Variants in LTN1 observed in about 807,000 individuals in gnomAD.
The protein encoded by LTN1 is E3 ubiquitin-protein ligase listerin.
In LTN1, 88 loss-of-function variants were observed where a neutral mutation model predicts 201.2. The observed-to-expected ratio is 0.44, with a 90% CI of 0.37 to 0.52. The LOEUF (loss-of-function observed/expected upper bound fraction) is 0.52, where lower values mean the gene tolerates loss of function less well. Ranked by LOEUF, LTN1 falls within the 20% of genes least tolerant of loss-of-function variation. The pLI is 0.00. For missense variants in LTN1, 1,752 were observed against 2,038.7 expected (o/e 0.86, Z 2.71); for synonymous variants, 645 against 713.5 (o/e 0.90, Z 1.53).
chr21:28,951,997 G>A (rs978614371), intron 18 of LTN1, among the ~76,000 whole-genome samples, 163 bp downstream of exon 18: 1 of 151,988 alleles, frequency 6.6e-6, no homozygotes, highest in Non-Finnish European at 1.5e-5. Context: ...AAATTCAAAG[G>A]TATGTCCCTA....
intron 23 of LTN1, 60 bp from the exon 24 acceptor site, chr21:28,943,396 C>A: frequency 9.4e-7 from 1 of 1,058,796 alleles, no homozygotes; most frequent in Non-Finnish European, 1.4e-6. Flanking sequence ...AAGTCGTGCT[C>A]AAGAGCAGAA....
rs750398826 is a variant in LTN1 at position 28,946,237 on chromosome 21, T to C, written c.3538A>G (p.Ile1180Val). Reference protein sequence around the residue: ...IFNSCLQTKSIDDGELLHGIL... With the variant: ...IFNSCLQTKSVDDGELLHGIL... ...CCATGTAATAGCTCTCCATCATCTA[T>C]ACTTTTGGTTTGCAGACAAGAATTG... Residue 1180 changes from isoleucine to valine, a missense_variant, in exon 20 of 30, where the codon ATA becomes GTA. Coordinates refer to ENST00000361371, the MANE Select transcript of LTN1 (RefSeq NM_015565.3). 17 of 1,588,324 alleles carry C rather than the reference T, an allele frequency of 1.1e-5. No homozygotes were observed. Among genetic ancestry groups the C allele is most frequent in the South Asian group, 7.0e-5 (6 of 85,202 alleles).
intron 6 of LTN1, among the ~76,000 whole-genome samples, chr21:28,974,365 T>C (rs2084598458): frequency 2.0e-5 from 3 of 152,066 alleles, no homozygotes; most frequent in Non-Finnish European, 2.9e-5. Context: ...CCAAAAAATA[T>C]GGATGAGTGA....
At chr21:28,964,758 G>A in intron 11 of LTN1, 2 of 1,549,412 alleles carry the variant, frequency 1.3e-6, no homozygotes, top group South Asian at 1.2e-5. Context: ...CTTCACGGCA[G>A]GTACATTCCT....
chr21:28,944,739 A>G, intron 21 of LTN1, 143 bp from the exon 22 acceptor site: 2 of 608,974 alleles, frequency 3.3e-6, no homozygotes, highest in South Asian at 4.5e-5. Flanking sequence ...CAGGAGAAAC[A>G]TAAAATTTTA....
At position 28,946,340 on chromosome 21, in the gene LTN1, C is replaced by T; in HGVS notation, c.3488-53G>A. ...AAAATATTTAAGAACTATATCGCTA[C>T]TATTAAAAAAAAGTCCACTTTGAGA... On this transcript the variant is annotated intron_variant, in intron 19 of 29. Transcript: ENST00000361371. 1.0e-5 allele frequency: 13 copies of T among 1,245,900 alleles called. 1 individual carries two copies. In the South Asian group the frequency reaches 2.1e-4, roughly 20 times the overall value. The allele number at this position is 1,245,900 out of a possible 1,614,324, so 77.2% of individuals were successfully genotyped here.
intron 25 of LTN1, among the ~76,000 whole-genome samples, chr21:28,940,252 T>C (rs1210726812): frequency 6.6e-6 from 1 of 152,190 alleles, no homozygotes; most frequent in Non-Finnish European, 1.5e-5. Flanking sequence ...TGATCTCAGC[T>C]CACTGCAACC....
intron 11 of LTN1, among the ~76,000 whole-genome samples, chr21:28,962,502 T>A (rs1269772414): frequency 6.6e-6 from 1 of 152,220 alleles, no homozygotes; most frequent in African/African-American, 2.4e-5. Context: ...CATTGCCATA[T>A]AAGAGGGCAA....
intron 16 of LTN1, among the ~76,000 whole-genome samples, chr21:28,955,922 C>CA (rs772350234): frequency 0.054 from 3,689 of 68,952 alleles, 129 homozygotes; most frequent in Middle Eastern, 0.073. Flanking sequence ...GACTCTGTCT[C>CA]AAAAAAAAAA....
intron 25 of LTN1, among the ~76,000 whole-genome samples, chr21:28,937,130 A>C (rs140957175): frequency 2.0e-5 from 3 of 152,226 alleles, no homozygotes; most frequent in Middle Eastern, 6.3e-3. Flanking sequence ...TTGTTTTTTC[A>C]ATCAGGAAAT....
chr21:28,961,111 G>A (rs1238889431), intron 11 of LTN1, among the ~76,000 whole-genome samples: 1 of 152,018 alleles, frequency 6.6e-6, no homozygotes, highest in African/African-American at 2.4e-5. Context: ...TTTCATCTGT[G>A]TATATCTTGT....
rs1460002334 is a variant in LTN1, at chr21:28,959,649, T to C, written c.2402A>G (p.His801Arg). Reference sequence around the variant, plus strand: ...TTTCTTTGTTTTGAATAAAGTTTCATGAAGTCTAACAATGATTCTTTCAAC... The same window carrying C: ...TTTCTTTGTTTTGAATAAAGTTTCACGAAGTCTAACAATGATTCTTTCAAC... ...VYVERIIVRL[H>R]ETLFKTKKLS... is the part of the protein sequence containing the mutation. Residue 801 changes from histidine (H) to arginine (R), a missense_variant, in exon 13 of 30, where the codon CAT becomes CGT. His to Arg is a conservative substitution (Grantham distance 29, BLOSUM62 0). This residue lies in a region of LTN1 where 1,211 missense variants were observed against 1,312.8 expected (regional missense o/e 0.92). Coordinates refer to ENST00000361371, the MANE Select transcript of LTN1 (RefSeq NM_015565.3). The C allele has an allele frequency of 8.7e-6, 14 of 1,613,678 alleles. No homozygotes were observed. The highest frequency in any genetic ancestry group is 1.2e-5 in the Non-Finnish European group (14 of 1,179,788).
intron 16 of LTN1, among the ~76,000 whole-genome samples, chr21:28,954,612 A>G (rs916056162): frequency 6.6e-6 from 1 of 152,216 alleles, no homozygotes; most frequent in Non-Finnish European, 1.5e-5. Context: ...GAACTAGAGA[A>G]CCCAGAAATA....
At chr21:28,940,662 A>G (rs1164353577) in intron 25 of LTN1, among the ~76,000 whole-genome samples, 1 of 152,228 alleles carries the variant, frequency 6.6e-6, no homozygotes, top group Admixed American at 6.5e-5. Flanking sequence ...TTCCTGAAAT[A>G]AAAGAACCTG....
intron 11 of LTN1, among the ~76,000 whole-genome samples, chr21:28,964,152 G>T (rs564073201): frequency 6.6e-6 from 1 of 152,272 alleles, no homozygotes; most frequent in East Asian, 1.9e-4. Context: ...TGAAAGGATT[G>T]ACTCCAATTT....
chr21:28,986,867 C>A lies in LTN1; in HGVS notation c.110G>T (p.Gly37Val). The stretch of plus-strand genomic sequence containing the variant: ...TAGGTCACTCTGAGATGTTCCAAAA[C>A]CAATAAATCCAGGCACTGTTCCCTG... ...KEQGTVPGFI[G>V]FGTSQSDLGY... Residue 37 changes from glycine (G) to valine (V), a missense_variant, in exon 2 of 30, where the codon GGT (glycine) becomes GTT (valine). Transcript: ENST00000361371. The surrounding 1 kb of genome is among the most constrained non-coding windows in gnomAD (Gnocchi z 4.1). The A allele has an allele frequency of 2.5e-6, 4 of 1,614,088 alleles. No individual in the cohort carries two copies. The highest frequency in any genetic ancestry group is 3.4e-6 in the Non-Finnish European group (4 of 1,180,004).
intron 4 of LTN1, among the ~76,000 whole-genome samples, chr21:28,983,536 G>A (rs1049884439): frequency 3.9e-5 from 6 of 152,308 alleles, no homozygotes; most frequent in South Asian, 2.1e-4. Flanking sequence ...ACCTAAATGA[G>A]GTACTACAAT....
intron 20 of LTN1, 39 bp from the exon 21 acceptor site, chr21:28,945,990 T>C: frequency 1.3e-6 from 2 of 1,551,060 alleles, no homozygotes; most frequent in South Asian, 2.4e-5. Flanking sequence ...TAAAAGATTA[T>C]ATTGACATTC....
At chr21:28,948,003 G>A (rs1056229673) in intron 18 of LTN1, among the ~76,000 whole-genome samples, 6 of 151,164 alleles carry the variant, frequency 4.0e-5, no homozygotes, top group African/African-American at 9.7e-5. Flanking sequence ...CCAGCCTGGC[G>A]AACATAGTGA....
Sources: gnomAD v4.1 joint callset for allele counts (sites outside exome capture counted in the v4.1 genomes callset) on GRCh38, gnomAD v4.1.1 for gene constraint, gnomAD v4.1.1 regional missense constraint, Gnocchi (gnomAD v3.1) non-coding constraint, MANE v1.5 for transcripts, NCBI Gene and HGNC (gene_info 2026-07-23, HGNC 2026-07-21) for gene names.